The following ROBO2 variants were observed in gnomAD, a reference collection of about 807,000 sequenced individuals.
The protein encoded by ROBO2 is roundabout homolog 2.
In ROBO2, 53 loss-of-function variants were observed where a neutral mutation model predicts 160.8. The observed-to-expected ratio is 0.33, with a 90% CI of 0.26 to 0.41. The LOEUF (loss-of-function observed/expected upper bound fraction) is 0.41. ROBO2 is among the 10% of genes least tolerant of loss of function. The pLI is 1.00. For synonymous variants in ROBO2, 664 were observed against 611.7 expected, an observed-to-expected ratio of 1.09 and a Z score of -1.26; for missense variants, 1,577 against 1,722.4, an observed-to-expected ratio of 0.92 and a Z score of 1.49.
chr3:76,536,770 C>T (rs1193878030), intron 2 of ROBO2, among the ~76,000 whole-genome samples: 1 of 151,976 alleles, frequency 6.6e-6, no homozygotes, highest in Non-Finnish European at 1.5e-5. Flanking sequence ...TAAGTCACTC[C>T]AGGTTAAATT....
intron 2 of ROBO2, among the ~76,000 whole-genome samples, chr3:77,164,929 G>T: frequency 8.6e-6 from 1 of 116,140 alleles, no homozygotes; most frequent in Admixed American, 8.6e-5. Flanking sequence ...CCGTCCGGGA[G>T]GGAGGTGGGG....
chr3:76,633,189 A>T, intron 2 of ROBO2, among the ~76,000 whole-genome samples: 1 of 152,332 alleles, frequency 6.6e-6, no homozygotes. Context: ...TTATTATATC[A>T]AAATTTAAAA....
intron 2 of ROBO2, among the ~76,000 whole-genome samples, chr3:75,954,766 G>T (rs1948667644): frequency 6.6e-6 from 1 of 151,844 alleles, no homozygotes; most frequent in Admixed American, 6.6e-5. Context: ...TTTTACCCAA[G>T]ATTTTTCGAA....
chr3:76,803,743 C>T (rs1329311076), intron 2 of ROBO2, among the ~76,000 whole-genome samples: 2 of 152,096 alleles, frequency 1.3e-5, no homozygotes, highest in African/African-American at 2.4e-5. Context: ...ATACACTCGA[C>T]TCAAGTTGGA....
At chr3:77,180,435 T>TATATATATATATG (rs1491200828) in intron 2 of ROBO2, among the ~76,000 whole-genome samples, 13 of 63,914 alleles carry the variant, frequency 2.0e-4, no homozygotes, top group South Asian at 4.6e-4. Flanking sequence ...TATATATGTA[T>TATATATATATATG]TTTTTTTTTT....
At position 77,425,669 on chromosome 3, in the gene ROBO2, C is replaced by CTT. The variant is rs756195644; in HGVS notation, c.389-51731_389-51730dup. Among the ~76,000 whole-genome samples, 61 of 140,648 alleles carry CTT rather than the reference C, an allele frequency of 4.3e-4. No homozygotes were observed. In the East Asian group the frequency reaches 0.01, roughly 23 times the overall value. The allele number at this position is 140,648 out of a possible 152,430, so 92.3% of individuals were successfully genotyped here. A position where few individuals can be genotyped will look rare whatever the true frequency, so the allele number is the denominator to read the frequency against. On this transcript the variant is annotated intron_variant, in intron 2 of 25. Coordinates refer to ENST00000461745, the Ensembl canonical transcript of ROBO2. ...CCATGCTAACGACTTCAATATGACTCTTTTTTTTTTTTTTTGATGGAGTCT... is the reference window on the plus strand; with the variant it reads ...CCATGCTAACGACTTCAATATGACTCTTTTTTTTTTTTTTTTTGATGGAGTCT...
intron 2 of ROBO2, among the ~76,000 whole-genome samples, chr3:75,962,944 C>T (rs778480276): frequency 3.3e-5 from 5 of 151,750 alleles, no homozygotes; most frequent in Non-Finnish European, 4.4e-5. Flanking sequence ...ATCTCATTAA[C>T]GATCATTCCT....
At chr3:76,242,925 G>A (rs1335311365) in intron 2 of ROBO2, among the ~76,000 whole-genome samples, 5 of 129,992 alleles carry the variant, frequency 3.8e-5, no homozygotes, top group Non-Finnish European at 5.6e-5. Flanking sequence ...ACAACTGAAT[G>A]AACAAAACAA....
rs373318583 is a variant in ROBO2, at chr3:76,925,095, C to T, written c.110-172919C>T. 5.4e-4 allele frequency among the ~76,000 whole-genome samples: 81 copies of T among 149,930 alleles called. No individual in the cohort carries two copies. The South Asian group carries it at 0.017, about 31-fold the overall frequency. On this transcript the variant is annotated intron_variant, in intron 2 of 26. Coordinates refer to the ROBO2 transcript ENST00000487694. ...TAGTGGCGGGCACCTGTAGTCCCAG[C>T]TACTTGGGAGGCTGAGGCAGGAGGA...
At chr3:75,971,464 G>A (rs1438877237) in intron 2 of ROBO2, among the ~76,000 whole-genome samples, 4 of 151,286 alleles carry the variant, frequency 2.6e-5, no homozygotes, top group Admixed American at 1.3e-4. Flanking sequence ...GCAAAACTTT[G>A]GTCAAGCAAT....
At chr3:76,330,589 T>C (rs531144761) in intron 2 of ROBO2, among the ~76,000 whole-genome samples, 6 of 152,238 alleles carry the variant, frequency 3.9e-5, no homozygotes, top group Non-Finnish European at 5.9e-5. Context: ...GCAATCCTCA[T>C]TCTTATAACA....
rs180802739 is a variant in ROBO2, at chr3:77,363,977, G to A, written c.389-113437G>A. The stretch of plus-strand genomic sequence containing the variant: ...TCCTTTAGTTCAAAGTCCTTGGGAT[G>A]CCAAAGCATTATATTTTGGAGTATT... On this transcript the variant is annotated intron_variant, in intron 2 of 25. Transcript: ENST00000461745. 1.2e-3 allele frequency among the ~76,000 whole-genome samples: 179 copies of A among 152,198 alleles called. 1 individual carries two copies. The Middle Eastern group carries it at 0.017, about 14-fold the overall frequency.
At chr3:75,929,700 T>C (rs1396823045) in intron 1 of ROBO2, among the ~76,000 whole-genome samples, 1 of 151,384 alleles carries the variant, frequency 6.6e-6, no homozygotes, top group African/African-American at 2.4e-5. Flanking sequence ...GGCACTCTTG[T>C]CTTTTTTTTT....
intron 2 of ROBO2, among the ~76,000 whole-genome samples, chr3:77,369,210 C>G (rs547318208): frequency 1.3e-5 from 2 of 152,104 alleles, no homozygotes; most frequent in Non-Finnish European, 2.9e-5. Flanking sequence ...CTCCCAAGTG[C>G]CCATCCTGTT....
At chr3:76,642,348 T>TA (rs1294755471) in intron 2 of ROBO2, among the ~76,000 whole-genome samples, 2 of 125,730 alleles carry the variant, frequency 1.6e-5, no homozygotes, top group East Asian at 4.3e-4. Flanking sequence ...TTGCTTTTTT[T>TA]TTTTTTTTTT....
chr3:76,635,480 G>T (rs1289704494), intron 2 of ROBO2, among the ~76,000 whole-genome samples: 1 of 152,168 alleles, frequency 6.6e-6, no homozygotes, highest in Non-Finnish European at 1.5e-5. Context: ...CGGAAGAACT[G>T]AATGACATAT....
intron 1 of ROBO2, among the ~76,000 whole-genome samples, chr3:75,928,033 G>A (rs1947360994): frequency 7.3e-6 from 1 of 137,860 alleles, no homozygotes; most frequent in Non-Finnish European, 1.5e-5. Flanking sequence ...CCCCCAGGCT[G>A]GAGTGCAGGG....
At chr3:75,907,483 C>T (rs919234183) in intron 1 of ROBO2, among the ~76,000 whole-genome samples, 2 of 152,120 alleles carry the variant, frequency 1.3e-5, no homozygotes, top group African/African-American at 2.4e-5. Flanking sequence ...TTGCTCTGCA[C>T]CCTCCATAAG....
At chr3:76,146,697 G>GGGGTGT (rs1553657636) in intron 2 of ROBO2, among the ~76,000 whole-genome samples, 1 of 136,440 alleles carries the variant, frequency 7.3e-6, no homozygotes, top group African/African-American at 2.7e-5. Flanking sequence ...GATTACATAG[G>GGGGTGT]GTGTGTGTGT....
Sources: allele counts gnomAD v4.1 joint callset (sites outside exome capture counted in the v4.1 genomes callset), GRCh38; gene constraint gnomAD v4.1.1; transcripts MANE v1.5; gene names NCBI Gene and HGNC (gene_info 2026-07-23, HGNC 2026-07-21).